EPG5: variants seen among roughly 807,000 people sequenced by gnomAD.
The protein encoded by EPG5 is ectopic P granules protein 5 homolog.
In EPG5, 159 loss-of-function variants were observed where a neutral mutation model predicts 302.7. The observed-to-expected ratio is 0.53, with a 90% CI of 0.46 to 0.60. The LOEUF (loss-of-function observed/expected upper bound fraction) is 0.60, where lower values mean the gene tolerates loss of function less well. Ranked by LOEUF, EPG5 falls within the 20% of genes least tolerant of loss-of-function variation. The pLI is 0.00. For synonymous variants in EPG5, 1,158 were observed against 1,136.8 expected (o/e 1.02, Z -0.37); for missense variants, 2,896 against 3,092.4 (o/e 0.94, Z 1.51).
chr18:45,953,144 G>T, intron 2 of EPG5: 2 of 333,236 alleles, frequency 6.0e-6, no homozygotes, highest in Non-Finnish European at 8.5e-6. Context: ...CTGCACTCCA[G>T]CCTGGGCGAC....
the EPG5 span, among the ~76,000 whole-genome samples, chr18:45,800,881 G>A: frequency 2.9e-4 from 44 of 152,318 alleles, 2 homozygotes; most frequent in South Asian, 8.3e-3. Flanking sequence ...AAAGGTGAGC[G>A]TCTTGATACC....
intron 13 of EPG5, among the ~76,000 whole-genome samples, chr18:45,926,850 A>C (rs562728550): frequency 6.6e-6 from 1 of 151,574 alleles, no homozygotes; most frequent in South Asian, 2.1e-4. Flanking sequence ...CAAGAAAAAC[A>C]CTTGAGAAAA....
chr18:45,897,210 T>C (rs1568131623), intron 27 of EPG5, among the ~76,000 whole-genome samples: 1 of 152,226 alleles, frequency 6.6e-6, no homozygotes, highest in Non-Finnish European at 1.5e-5. Context: ...AAGAGACCTG[T>C]TCTTTAGCTG....
chr18:45,930,619 G>A, intron 12 of EPG5, 57 bp downstream of exon 12: 1 of 1,430,618 alleles, frequency 7.0e-7, no homozygotes, highest in Non-Finnish European at 9.3e-7. Flanking sequence ...AAAATCAACA[G>A]ATGGACAATC....
At chr18:45,937,650 G>A (rs1358299721) in intron 10 of EPG5, among the ~76,000 whole-genome samples, 1 of 151,614 alleles carries the variant, frequency 6.6e-6, no homozygotes, top group African/African-American at 2.4e-5. Context: ...CAGGTGATCC[G>A]CCCACCTCAG....
At chr18:45,967,117 A>G in intron 1 of EPG5, 60 bp downstream of exon 1, 1 of 1,508,940 alleles carries the variant, frequency 6.6e-7, no homozygotes, top group East Asian at 2.4e-5. Flanking sequence ...GAGGCCGAAG[A>G]GAGGAGCAAG....
chr18:45,801,237 C>T, the EPG5 span, among the ~76,000 whole-genome samples: 2 of 152,014 alleles, frequency 1.3e-5, no homozygotes, highest in Non-Finnish European at 2.9e-5. Context: ...AGGTTCACTA[C>T]GTTGGCCAGG....
At chr18:45,888,019 C>T in intron 28 of EPG5, 112 bp from the exon 29 acceptor site, 2 of 797,064 alleles carry the variant, frequency 2.5e-6, no homozygotes, top group South Asian at 3.5e-5. Context: ...ATCCTCAGAG[C>T]ACCCATGAAA....
rs508915 is a variant in EPG5, at chr18:45,852,393, A to C, written c.*74T>G. On this transcript the variant is annotated 3_prime_UTR_variant, in exon 44 of 44. Transcript: ENST00000282041. Reference sequence around the variant, plus strand: ...ACTGAGCTCTACAGTGCAATTGAGCAAAGTTACTTGTGCAACAGCAAAGTT... The same window carrying C: ...ACTGAGCTCTACAGTGCAATTGAGCCAAGTTACTTGTGCAACAGCAAAGTT... 66,076 of 1,442,448 alleles carry C rather than the reference A, an allele frequency of 0.046. 6,831 individuals are homozygous for C. The highest frequency in any genetic ancestry group is 0.41 in the African/African-American group (28,934 of 70,484). The allele number at this position is 1,442,448 out of a possible 1,614,324, so 89.4% of individuals were successfully genotyped here. A position where few individuals can be genotyped will look rare whatever the true frequency, so the allele number is the denominator to read the frequency against.
chr18:45,907,955 C>T lies in EPG5; in HGVS notation c.4329+3G>A, dbSNP rs888738053. 2.6e-6 allele frequency: 4 copies of T among 1,535,386 alleles called. No homozygotes were observed. Among genetic ancestry groups the T allele is most frequent in the Admixed American group, 4.6e-5 (2 of 43,704 alleles). On this transcript the variant is annotated splice_donor_region_variant and intron_variant, in intron 24 of 43. Coordinates refer to ENST00000282041, the MANE Select transcript of EPG5 (RefSeq NM_020964.3). ...AAAAAAAAAAGGAGGGCTATAATTT[C>T]ACCTGCTGATTCTGCATCACTTTTG... is the stretch of plus-strand genomic sequence containing the variant.
rs1078372 is a variant in EPG5 at position 45,888,191 on chromosome 18, C to T, written c.4953-284G>A. Among the ~76,000 whole-genome samples, 786 of 151,506 alleles carry T rather than the reference C, an allele frequency of 5.2e-3. 14 individuals are homozygous for T. The East Asian group carries it at 0.063, about 12-fold the overall frequency. ...TGTGATCTCGGCTCACCACAACCTT[C>T]GCCTCCCGAGTTCAAGTGATTCTCC... On this transcript the variant is annotated intron_variant, in intron 28 of 43. Coordinates refer to ENST00000282041, the MANE Select transcript of EPG5 (RefSeq NM_020964.3).
intron 5 of EPG5, among the ~76,000 whole-genome samples, chr18:45,948,789 A>T (rs2050842295): frequency 6.6e-6 from 1 of 152,180 alleles, no homozygotes; most frequent in Admixed American, 6.5e-5. Context: ...AGTTTCCACC[A>T]ATTATCTGTA....
chr18:45,855,469 C>G lies in EPG5; in HGVS notation c.7557+104G>C, dbSNP rs998749397. On this transcript the variant is annotated intron_variant, in intron 43 of 43. Coordinates refer to ENST00000282041, the MANE Select transcript of EPG5 (RefSeq NM_020964.3). ...ATGAAAGGGAACACTGTGCTACCACCACAGAGCATCATGTCATGACGCGCA... is the reference window on the plus strand; with the variant it reads ...ATGAAAGGGAACACTGTGCTACCACGACAGAGCATCATGTCATGACGCGCA... The G allele has an allele frequency of 3.4e-5, 26 of 759,174 alleles. No homozygotes were observed. The African/African-American group carries it at 4.1e-4, about 12-fold the overall frequency. 47.0% of individuals were successfully genotyped at this position (759,174 alleles called of 1,614,324 possible).
chr18:45,845,824 G>A (rs1217354183), downstream of EPG5, among the ~76,000 whole-genome samples: 2 of 152,186 alleles, frequency 1.3e-5, no homozygotes, highest in Non-Finnish European at 2.9e-5. Flanking sequence ...GGAAGTGGCC[G>A]GCAACTACCT....
At chr18:45,901,768 C>T (rs531715164) in intron 25 of EPG5, among the ~76,000 whole-genome samples, 15 of 140,100 alleles carry the variant, frequency 1.1e-4, no homozygotes, top group African/African-American at 4.3e-4. Context: ...TCCTGTGCCA[C>T]ACACACACAC....
chr18:45,866,716 G>C, intron 38 of EPG5, 82 bp downstream of exon 38: 1 of 1,080,344 alleles, frequency 9.3e-7, no homozygotes, highest in South Asian at 1.3e-5. Context: ...GCACTTCCTA[G>C]CTTCGACTGT....
At chr18:45,805,506 T>G in the EPG5 span, among the ~76,000 whole-genome samples, 1 of 149,118 alleles carries the variant, frequency 6.7e-6, no homozygotes, top group Non-Finnish European at 1.5e-5. Flanking sequence ...AAATGGTGTA[T>G]CAAAATATAA....
the EPG5 span, among the ~76,000 whole-genome samples, chr18:45,835,092 G>T: frequency 1.3e-5 from 2 of 152,206 alleles, no homozygotes; most frequent in South Asian, 4.1e-4. Context: ...AAAAAAAGGA[G>T]ATTAGGCTTA....
In EPG5 at chr18:45,889,913, T is replaced by C. The variant is rs746065186; in HGVS notation, c.4837A>G (p.Ile1613Val). The C allele has an allele frequency of 6.2e-6, 10 of 1,606,004 alleles. No individual in the cohort carries two copies. The South Asian group carries it at 1.0e-4, about 16-fold the overall frequency. Residue 1613 changes from isoleucine (I) to valine (V), a missense_variant, in exon 28 of 44, where the codon ATA becomes GTA. Physicochemically the swap from Ile to Val is conservative, Grantham distance 29 (BLOSUM62 3). This residue lies in a region of EPG5 where 790 missense variants were observed against 798.0 expected (regional missense o/e 0.99). Coordinates refer to ENST00000282041, the MANE Select transcript of EPG5 (RefSeq NM_020964.3). Reference protein sequence around the residue: ...QFEGMHKNEAISQQLHVLRKE... With the variant: ...QFEGMHKNEAVSQQLHVLRKE... ...CGTAAAACATGAAGCTGTTGGCTTATGGCTTCATTCTTATGCATGCCTTCA... is the reference window on the plus strand; with the variant it reads ...CGTAAAACATGAAGCTGTTGGCTTACGGCTTCATTCTTATGCATGCCTTCA...
Sources: allele counts gnomAD v4.1 joint callset (sites outside exome capture counted in the v4.1 genomes callset), GRCh38; gene constraint gnomAD v4.1.1; regional missense constraint gnomAD v4.1.1; transcripts MANE v1.5; gene names NCBI Gene and HGNC (gene_info 2026-07-23, HGNC 2026-07-21).